Variants in PTGFRN observed in about 807,000 individuals in gnomAD.
PTGFRN encodes prostaglandin F2 receptor inhibitor.
PTGFRN carries 35 observed loss-of-function variants against 83.2 expected under a neutral mutation model. The observed-to-expected ratio is 0.42, with a 90% CI of 0.32 to 0.56. The LOEUF is 0.56. PTGFRN is among the 20% of genes least tolerant of loss of function. The pLI is 0.11. For missense variants in PTGFRN, 1,051 were observed against 1,179.5 expected, an observed-to-expected ratio of 0.89 and a Z score of 1.60; for synonymous variants, 519 against 498.6, an observed-to-expected ratio of 1.04 and a Z score of -0.55.
At chr1:116,974,113 C>T (rs988126512) in intron 6 of PTGFRN, 103 bp from the exon 7 acceptor site, 2 of 856,768 alleles carry the variant, frequency 2.3e-6, no homozygotes, top group Admixed American at 4.5e-5. Flanking sequence ...TAGACCAGTT[C>T]CCAGGGAAGA....
Position 116,957,440 on chromosome 1 carries a change from G to T in PTGFRN, c.1214-3803G>T, listed in dbSNP as rs960152394. Among the ~76,000 whole-genome samples the T allele has an allele frequency of 3.3e-5, 5 of 152,114 alleles. No homozygotes were observed. In the East Asian group the frequency reaches 9.7e-4, roughly 29 times the overall value. On this transcript the variant is annotated intron_variant, in intron 4 of 8. Coordinates refer to ENST00000393203, the MANE Select transcript of PTGFRN (RefSeq NM_020440.4). ...CTAGTTTTGACCACCTTTTCTGTGT[G>T]TTCTGTGATCTGACCACTAATAGGT...
chr1:116,947,638 C>T (rs114564152), intron 3 of PTGFRN, among the ~76,000 whole-genome samples: 1,544 of 152,280 alleles, frequency 0.01, 29 homozygotes, highest in African/African-American at 0.035. Flanking sequence ...TTAAGTACTT[C>T]GTCACTGACC....
chr1:116,950,015 C>T (rs561146849), intron 4 of PTGFRN, among the ~76,000 whole-genome samples: 13 of 151,468 alleles, frequency 8.6e-5, no homozygotes, highest in South Asian at 2.1e-4. Flanking sequence ...TTTTTTTTCA[C>T]GTCACGCCCT....
chr1:116,929,637 A>G (rs1649743485), intron 1 of PTGFRN, among the ~76,000 whole-genome samples: 2 of 152,214 alleles, frequency 1.3e-5, no homozygotes, highest in Admixed American at 1.3e-4. Context: ...GTCTAAACTC[A>G]GACATGACCC....
intron 3 of PTGFRN, among the ~76,000 whole-genome samples, chr1:116,946,949 A>G (rs1249980790): frequency 6.6e-6 from 1 of 152,214 alleles, no homozygotes; most frequent in African/African-American, 2.4e-5. Context: ...CTGTAATGTG[A>G]TTTCTATTTG....
Position 116,975,649 on chromosome 1 carries a change from T to C in PTGFRN, c.2167+1326T>C, listed in dbSNP as rs1651128175. 2.0e-5 allele frequency among the ~76,000 whole-genome samples: 3 copies of C among 152,230 alleles called. No homozygotes were observed. The South Asian group carries it at 6.2e-4, about 32-fold the overall frequency. On this transcript the variant is annotated intron_variant, in intron 7 of 8. Transcript: ENST00000393203. ...GACCTCCAGCAAACTCCAACAGACC[T>C]GCAGCTGAGGGTCCTGACTGTTAGA...
chr1:116,971,370 C>T (rs894689462), intron 6 of PTGFRN, among the ~76,000 whole-genome samples: 18 of 151,972 alleles, frequency 1.2e-4, no homozygotes, highest in African/African-American at 2.7e-4. Context: ...TTTTTAGAGG[C>T]CAAGGTTGGA....
At chr1:116,966,801 G>T (rs919759613) in intron 5 of PTGFRN, 110 bp from the exon 6 acceptor site, 8 of 1,212,536 alleles carry the variant, frequency 6.6e-6, no homozygotes, top group South Asian at 6.4e-5. Context: ...AGGTGCTTTT[G>T]TGTGGCAATT....
At position 116,910,188 on chromosome 1, in the gene PTGFRN, C is replaced by T. The variant is rs1278124437; in HGVS notation, c.-16C>T. The T allele has an allele frequency of 1.3e-6, 2 of 1,492,160 alleles. No individual in the cohort carries two copies. Among genetic ancestry groups the T allele is most frequent in the Admixed American group, 2.2e-5 (1 of 46,328 alleles). 92.4% of individuals were successfully genotyped at this position (1,492,160 alleles called of 1,614,324 possible). ...GGAAGGAGGAGGAGGGGGAGAGTCG[C>T]TCCCGCCGGGCGAGCATGGGGCGCC... On this transcript the variant is annotated 5_prime_UTR_variant, in exon 1 of 9. Transcript: ENST00000393203.
At position 116,952,317 on chromosome 1, in the gene PTGFRN, T is replaced by G. The variant is rs1455372171; in HGVS notation, c.1213+2745T>G. On this transcript the variant is annotated intron_variant, in intron 4 of 8. Transcript: ENST00000393203. The surrounding 1 kb of genome is among the most constrained non-coding windows in gnomAD (Gnocchi z 4.0). Reference sequence around the variant, plus strand: ...GAAGCTGATTGGGGTCTTCTAGAGTTCCACTGTGCTAAGCAGGAAGACGGG... The same window carrying G: ...GAAGCTGATTGGGGTCTTCTAGAGTGCCACTGTGCTAAGCAGGAAGACGGG... Among the ~76,000 whole-genome samples the G allele has an allele frequency of 6.6e-6, 1 of 152,054 alleles. No individual in the cohort carries two copies. Among genetic ancestry groups the G allele is most frequent in the Non-Finnish European group, 1.5e-5 (1 of 68,010 alleles).
chr1:116,912,918 T>A (rs574416112), intron 1 of PTGFRN, among the ~76,000 whole-genome samples: 11 of 152,224 alleles, frequency 7.2e-5, no homozygotes, highest in African/African-American at 2.4e-4. Flanking sequence ...GAAGCCTTCC[T>A]AAGCCTACCT....
chr1:116,972,625 C>A (rs1651036564), intron 6 of PTGFRN, among the ~76,000 whole-genome samples: 1 of 152,200 alleles, frequency 6.6e-6, no homozygotes, highest in African/African-American at 2.4e-5. Flanking sequence ...TACCTATATT[C>A]TTAACTTCTA....
rs1570660839 is a variant in PTGFRN at position 116,949,318 on chromosome 1, T to C, written c.959T>C (p.Met320Thr). The C allele has an allele frequency of 6.2e-7, 1 of 1,614,288 alleles. No homozygotes were observed. Among genetic ancestry groups the C allele is most frequent in the Non-Finnish European group, 8.5e-7 (1 of 1,180,054 alleles). ...GAGGTGACGTGGTCCTTCAGCAGGA[T>C]GCCTGACAGCACCCTACCTGGCTCC... The part of the protein sequence containing the change: ...RPEVTWSFSR[M>T]PDSTLPGSRV... The change falls in exon 4 of 9, where the codon ATG (methionine) becomes ACG (threonine). Residue 320 changes from methionine (M) to threonine (T), a missense_variant. By Grantham distance (81) the Met-to-Thr change is moderately conservative. Transcript: ENST00000393203.
At chr1:116,979,582 C>A (rs1330628157) in intron 7 of PTGFRN, among the ~76,000 whole-genome samples, 2 of 152,190 alleles carry the variant, frequency 1.3e-5, no homozygotes, top group East Asian at 3.8e-4. Context: ...CTACAACTAT[C>A]TGATCTTTGA....
Position 116,910,030 on chromosome 1 carries a change from A to G in PTGFRN, c.-174A>G. ...GAGGCGGGAGGGAGCGAGCGGAGCC[A>G]GGGGCGCACGTACGCCCCAGCGCTG... On this transcript the variant is annotated 5_prime_UTR_variant, in exon 1 of 9. Transcript: ENST00000393203. 1.4e-6 allele frequency: 1 copy of G among 717,018 alleles called. No individual in the cohort carries two copies. Among genetic ancestry groups the G allele is most frequent in the Non-Finnish European group, 2.4e-6 (1 of 421,720 alleles). 44.4% of individuals were successfully genotyped at this position (717,018 alleles called of 1,614,324 possible). A position where few individuals can be genotyped will look rare whatever the true frequency, so the allele number is the denominator to read the frequency against.
chr1:116,921,396 C>T (rs941843448), intron 1 of PTGFRN, among the ~76,000 whole-genome samples: 15 of 152,176 alleles, frequency 9.9e-5, no homozygotes, highest in African/African-American at 2.9e-4. Flanking sequence ...TGAAAGCTGG[C>T]GCATTGAAAC....
At position 116,984,919 on chromosome 1, in the gene PTGFRN, A is replaced by G. The variant is rs148070773; in HGVS notation, c.2407A>G (p.Thr803Ala). 5.3e-5 allele frequency: 85 copies of G among 1,614,118 alleles called. No individual in the cohort carries two copies. The African/African-American group carries it at 9.6e-4, about 18-fold the overall frequency. ...CGTGACTCCATGGGTGAAGTCACCA[A>G]CAGGTTCCTGGCAGAAGGAGGCAGA... ...CSVTPWVKSPTGSWQKEAEIH... is the reference protein window; with the variant it reads ...CSVTPWVKSPAGSWQKEAEIH... Residue 803 changes from threonine (T) to alanine (A), a missense_variant, in exon 8 of 9, where the codon ACA becomes GCA. Coordinates refer to ENST00000393203, the MANE Select transcript of PTGFRN (RefSeq NM_020440.4).
At position 116,972,052 on chromosome 1, in the gene PTGFRN, G is replaced by A. The variant is rs373367977; in HGVS notation, c.2060-2164G>A. Reference sequence around the variant, plus strand: ...TGCTGCTAACCTGTACTCACTGACAGGTGGCCGCCTATGGCATAAGTGTCC... The same window carrying A: ...TGCTGCTAACCTGTACTCACTGACAAGTGGCCGCCTATGGCATAAGTGTCC... On this transcript the variant is annotated intron_variant, in intron 6 of 8. Coordinates refer to ENST00000393203, the MANE Select transcript of PTGFRN (RefSeq NM_020440.4). Among the ~76,000 whole-genome samples, 6 of 152,282 alleles carry A rather than the reference G, an allele frequency of 3.9e-5. No individual in the cohort carries two copies. The East Asian group carries it at 5.8e-4, about 15-fold the overall frequency.
chr1:116,978,142 G>C (rs1392543353), intron 7 of PTGFRN, among the ~76,000 whole-genome samples: 2 of 152,132 alleles, frequency 1.3e-5, no homozygotes, highest in East Asian at 3.9e-4. Context: ...ATGAATTCCT[G>C]GACACATACA....
Sources: allele counts gnomAD v4.1 joint callset (sites outside exome capture counted in the v4.1 genomes callset), GRCh38; gene constraint gnomAD v4.1.1; non-coding constraint Gnocchi (gnomAD v3.1); transcripts MANE v1.5; gene names NCBI Gene and HGNC (gene_info 2026-07-23, HGNC 2026-07-21).